SLCO1C1: variants seen among roughly 807,000 people sequenced by gnomAD.
SLCO1C1 encodes the protein OAT-RP-5.
SLCO1C1 carries 70 observed loss-of-function variants against 76.4 expected under a neutral mutation model. That is an observed-to-expected ratio of 0.92 (90% CI 0.76 to 1.12). SLCO1C1 has a LOEUF of 1.12. Among genes scored for constraint, SLCO1C1 ranks in the 50% most tolerant of loss-of-function variants. The probability of loss-of-function intolerance (pLI) is 0.00; values close to 1 mark genes in which losing one functional copy is unlikely to be tolerated. For missense variants in SLCO1C1, 912 were observed against 823.8 expected, an observed-to-expected ratio of 1.11 and a Z score of -1.31; for synonymous variants, 306 against 286.1, an observed-to-expected ratio of 1.07 and a Z score of -0.70.
rs867413407 is a variant in SLCO1C1, at chr12:20,733,057, G to C, written c.1335G>C (p.Leu445=). 1 of 1,608,636 alleles carries C rather than the reference G, an allele frequency of 6.2e-7. No individual in the cohort carries two copies. The highest frequency in any genetic ancestry group is 1.1e-5 in the South Asian group (1 of 89,958). ...GYLLFLSLFA[L]GCENSDVAGL... Reference sequence around the variant, plus strand: ...TCCTATTTCTTTCCCTGTTTGCACTGGGCTGTGAAAATTCTGATGTGGCAG... The same window carrying C: ...TCCTATTTCTTTCCCTGTTTGCACTCGGCTGTGAAAATTCTGATGTGGCAG... The change falls in exon 10 of 15, where the codon CTG becomes CTC. Residue 445 remains leucine (L), a synonymous_variant. Transcript: ENST00000266509.
chr12:20,717,120 T>C lies in SLCO1C1; in HGVS notation c.677-12T>C. 1 of 1,590,672 alleles carries C rather than the reference T, an allele frequency of 6.3e-7. No homozygotes were observed. Among genetic ancestry groups the C allele is most frequent in the Non-Finnish European group, 8.5e-7 (1 of 1,172,096 alleles). On this transcript the variant is annotated splice_polypyrimidine_tract_variant and intron_variant, in intron 6 of 14. Transcript: ENST00000266509. ...ACAGCTTTTTTTTTTTCCTTTTCTT[T>C]TCTTGGTGCAGGGTGTGTGCAGACG...
At position 20,753,005 on chromosome 12, in the gene SLCO1C1, G is replaced by A. The variant is rs949598740; in HGVS notation, c.*477G>A. The A allele has an allele frequency of 6.6e-6, 1 of 152,202 alleles. No individual in the cohort carries two copies. The highest frequency in any genetic ancestry group is 1.5e-5 in the Non-Finnish European group (1 of 68,038). The allele number at this position is 152,202 out of a possible 1,614,324, so 9.4% of individuals were successfully genotyped here. On this transcript the variant is annotated 3_prime_UTR_variant, in exon 15 of 15. Transcript: ENST00000266509. ...TCTGTGTATTTTAATAATGATCTTA[G>A]GATGGAGCAGAACATGGAGAGGAAG...
chr12:20,745,662 T>C (rs1203231392), intron 13 of SLCO1C1, among the ~76,000 whole-genome samples: 2 of 151,688 alleles, frequency 1.3e-5, no homozygotes, highest in Admixed American at 1.3e-4. Flanking sequence ...CCATCTCTAC[T>C]AAAAACACAA....
intron 13 of SLCO1C1, among the ~76,000 whole-genome samples, chr12:20,746,559 G>A (rs1056891155): frequency 3.3e-5 from 5 of 152,042 alleles, no homozygotes; most frequent in Non-Finnish European, 5.9e-5. Context: ...ATAATGGAGG[G>A]ATCAGACTGA....
At chr12:20,707,673 T>C (rs1370489962) in intron 4 of SLCO1C1, among the ~76,000 whole-genome samples, 1 of 152,232 alleles carries the variant, frequency 6.6e-6, no homozygotes, top group Non-Finnish European at 1.5e-5. Flanking sequence ...AGCTATGTCA[T>C]CATTGTTGTG....
intron 11 of SLCO1C1, among the ~76,000 whole-genome samples, chr12:20,739,328 G>T (rs1948691337): frequency 6.6e-6 from 1 of 151,670 alleles, no homozygotes; most frequent in Admixed American, 6.6e-5. Flanking sequence ...CTGATAGGTA[G>T]TAAGAAGCAC....
Position 20,717,257 on chromosome 12 carries a change from C to A in SLCO1C1, c.775+27C>A, listed in dbSNP as rs754754451. 3.9e-6 allele frequency: 6 copies of A among 1,545,242 alleles called. No homozygotes were observed. In the South Asian group the frequency reaches 7.2e-5, roughly 19 times the overall value. On this transcript the variant is annotated intron_variant, in intron 7 of 14. Coordinates refer to ENST00000266509, the MANE Select transcript of SLCO1C1 (RefSeq NM_017435.5). ...TAAGGAAGTTTATTTTTTATTTATT[C>A]ATGTATTTTAGTCACTGTAACATTT...
intron 4 of SLCO1C1, among the ~76,000 whole-genome samples, 177 bp from the exon 5 acceptor site, chr12:20,711,209 T>A (rs1453605033): frequency 6.6e-6 from 1 of 152,182 alleles, no homozygotes; most frequent in African/African-American, 2.4e-5. Flanking sequence ...ATGAGCCAGA[T>A]CTTCTGGCTA....
chr12:20,738,224 G>A (rs1311804382), intron 11 of SLCO1C1, among the ~76,000 whole-genome samples: 1 of 152,138 alleles, frequency 6.6e-6, no homozygotes, highest in East Asian at 1.9e-4. Flanking sequence ...ATCCTTAACA[G>A]AAAGCAATTG....
At chr12:20,731,232 T>A (rs1948248778) in intron 9 of SLCO1C1, among the ~76,000 whole-genome samples, 1 of 152,150 alleles carries the variant, frequency 6.6e-6, no homozygotes, top group Non-Finnish European at 1.5e-5. Context: ...TCCAAGAGGG[T>A]CTGCTTCTTT....
intron 10 of SLCO1C1, among the ~76,000 whole-genome samples, chr12:20,736,266 C>CA (rs35908879): frequency 0.45 from 64,316 of 141,726 alleles, 16,384 homozygotes; most frequent in South Asian, 0.64. Flanking sequence ...TGGCAGAGAA[C>CA]AAAAAAAAAT....
At chr12:20,724,699 A>T (rs1013775822) in intron 9 of SLCO1C1, among the ~76,000 whole-genome samples, 1 of 148,330 alleles carries the variant, frequency 6.7e-6, no homozygotes. Context: ...ATTATTTTAT[A>T]TTGTGCATAG....
chr12:20,724,950 T>C (rs977657384), intron 9 of SLCO1C1, among the ~76,000 whole-genome samples: 1 of 143,610 alleles, frequency 7.0e-6, no homozygotes, highest in African/African-American at 2.5e-5. Context: ...TTTATATGTA[T>C]ATTTATAGGT....
At chr12:20,722,815 A>G (rs753330885) in intron 8 of SLCO1C1, among the ~76,000 whole-genome samples, 5 of 152,206 alleles carry the variant, frequency 3.3e-5, no homozygotes, top group Non-Finnish European at 5.9e-5. Context: ...CATCAGTTAG[A>G]GGAATCTGTT....
Position 20,752,364 on chromosome 12 carries a change from G to A in SLCO1C1, c.1975G>A (p.Ala659Thr), listed in dbSNP as rs1461695641. The A allele has an allele frequency of 1.9e-6, 3 of 1,613,198 alleles. No homozygotes were observed. In the African/African-American group the frequency reaches 4.0e-5, roughly 22 times the overall value. The change falls in exon 15 of 15, where the codon GCA (alanine) becomes ACA (threonine). Residue 659 changes from alanine (A) to threonine (T), a missense_variant. Physicochemically the swap from Ala to Thr is moderately conservative, Grantham distance 58 (BLOSUM62 0). Coordinates refer to ENST00000266509, the MANE Select transcript of SLCO1C1 (RefSeq NM_017435.5). ...CACAGTGTCAATTCTCCTAAGCATTGCAGTACTTTTCATTTTAAAGAAAAA... is the reference window on the plus strand; with the variant it reads ...CACAGTGTCAATTCTCCTAAGCATTACAGTACTTTTCATTTTAAAGAAAAA... ...LGTVSILLSIAVLFILKKNYV... is the reference protein window; with the variant it reads ...LGTVSILLSITVLFILKKNYV...
chr12:20,725,278 ATATAT>A (rs983213919), intron 9 of SLCO1C1, among the ~76,000 whole-genome samples: 15 of 141,826 alleles, frequency 1.1e-4, no homozygotes, highest in East Asian at 8.0e-4. Flanking sequence ...TTAATATAAT[ATATAT>A]TATATTATTT....
At chr12:20,747,685 C>G (rs1037925266) in intron 13 of SLCO1C1, among the ~76,000 whole-genome samples, 7 of 152,030 alleles carry the variant, frequency 4.6e-5, no homozygotes, top group African/African-American at 1.7e-4. Context: ...AGTGGTAAAT[C>G]ATATATTTGT....
intron 5 of SLCO1C1, among the ~76,000 whole-genome samples, chr12:20,712,507 CTCCCTTCAGCT>C (rs1203372909): frequency 1.3e-5 from 2 of 152,142 alleles, no homozygotes; most frequent in East Asian, 3.9e-4. Flanking sequence ...ATCCCCTCTT[CTCCCTTCAGCT>C]TCCCTTCAGC....
intron 4 of SLCO1C1, among the ~76,000 whole-genome samples, chr12:20,706,391 G>T (rs187617671): frequency 1.3e-5 from 2 of 152,066 alleles, no homozygotes; most frequent in African/African-American, 4.8e-5. Flanking sequence ...AAATTAACAT[G>T]GTAAATGTCA....
Sources: gnomAD v4.1 joint callset for allele counts (sites outside exome capture counted in the v4.1 genomes callset) on GRCh38, gnomAD v4.1.1 for gene constraint, MANE v1.5 for transcripts, NCBI Gene and HGNC (gene_info 2026-07-23, HGNC 2026-07-21) for gene names.